ZHX2: variants seen among roughly 807,000 people sequenced by gnomAD.
The protein encoded by ZHX2 is zinc fingers and homeoboxes 2.
Under a neutral mutation model 21.9 loss-of-function variants are expected in ZHX2, and 6 were observed. The ratio of observed to expected loss-of-function variants is 0.27; its 90% CI spans 0.15 to 0.54. The LOEUF (loss-of-function observed/expected upper bound fraction) is 0.54. Ranked by LOEUF, ZHX2 falls within the 20% of genes least tolerant of loss-of-function variation. The pLI is 0.95. For missense variants in ZHX2, 908 were observed against 1,090.7 expected, an observed-to-expected ratio of 0.83 and a Z score of 2.36; for synonymous variants, 434 against 437.1, an observed-to-expected ratio of 0.99 and a Z score of 0.09.
intron 2 of ZHX2, among the ~76,000 whole-genome samples, chr8:122,945,232 C>T (rs1207697064): frequency 6.6e-6 from 1 of 152,054 alleles, no homozygotes; most frequent in Non-Finnish European, 1.5e-5. Flanking sequence ...CTGTGCACCC[C>T]CAGCTGTCCA....
chr8:122,784,579 C>G (rs1817357310), intron 1 of ZHX2, among the ~76,000 whole-genome samples: 1 of 152,208 alleles, frequency 6.6e-6, no homozygotes, highest in African/African-American at 2.4e-5. Flanking sequence ...CAGAATTTAC[C>G]TGGATTTTAT....
At chr8:122,902,175 G>A (rs1296921978) in intron 2 of ZHX2, among the ~76,000 whole-genome samples, 1 of 152,112 alleles carries the variant, frequency 6.6e-6, no homozygotes, top group Non-Finnish European at 1.5e-5. Flanking sequence ...TCCTCCTAGG[G>A]GACCATTCAA....
At position 122,953,075 on chromosome 8, in the gene ZHX2, A is replaced by G. The variant is rs750857053; in HGVS notation, c.1565A>G (p.Tyr522Cys). ...AIAASRHGRT[Y>C]HAYPDFAPQK... ...GCGGCCTCCCGACACGGTCGCACGT[A>G]TCATGCGTACCCAGACTTTGCCCCC... Residue 522 changes from tyrosine (Y) to cysteine (C), a missense_variant, in exon 3 of 4, where the codon TAT becomes TGT. Tyr to Cys is a radical substitution (Grantham distance 194). Transcript: ENST00000314393. The surrounding 1 kb of genome is among the most constrained non-coding windows in gnomAD (Gnocchi z 4.6). The G allele has an allele frequency of 3.1e-6, 5 of 1,614,048 alleles. 1 individual carries two copies. In the South Asian group the frequency reaches 5.5e-5, roughly 18 times the overall value.
chr8:122,831,088 G>A (rs1257448960), intron 1 of ZHX2, among the ~76,000 whole-genome samples: 23 of 152,226 alleles, frequency 1.5e-4, no homozygotes, highest in Admixed American at 1.5e-3. Flanking sequence ...GTCCAAAACA[G>A]GGAATTATAT....
At chr8:122,787,763 G>A (rs922100636) in intron 1 of ZHX2, among the ~76,000 whole-genome samples, 5 of 152,212 alleles carry the variant, frequency 3.3e-5, no homozygotes, top group Non-Finnish European at 7.3e-5. Context: ...TTATGAATGA[G>A]AGTTCCTGGG....
intron 1 of ZHX2, among the ~76,000 whole-genome samples, chr8:122,805,692 G>A (rs530436508): frequency 6.6e-6 from 1 of 152,298 alleles, no homozygotes; most frequent in Non-Finnish European, 1.5e-5. Context: ...GATTGCCAGA[G>A]CAGCCCTGTA....
Position 122,953,565 on chromosome 8 carries a change from G to A in ZHX2, c.2055G>A (p.Thr685=), listed in dbSNP as rs558892407. 1.5e-5 allele frequency: 25 copies of A among 1,614,208 alleles called. No individual in the cohort carries two copies. The highest frequency in any genetic ancestry group is 7.7e-5 in the South Asian group (7 of 91,084). ...WFKENRCLLK[T]GTVKWMEQYQ... The stretch of plus-strand genomic sequence containing the variant: ...AGGAGAACAGATGCTTGCTGAAAAC[G>A]GGAACCGTGAAGTGGATGGAGCAGT... Residue 685 remains threonine (T), a synonymous_variant, in exon 3 of 4, where the codon ACG becomes ACA. Coordinates refer to ENST00000314393, the MANE Select transcript of ZHX2 (RefSeq NM_014943.5). The surrounding 1 kb of genome is among the most constrained non-coding windows in gnomAD (Gnocchi z 4.6).
intron 1 of ZHX2, among the ~76,000 whole-genome samples, chr8:122,827,669 A>C (rs1170844712): frequency 6.6e-6 from 1 of 152,260 alleles, no homozygotes; most frequent in East Asian, 1.9e-4. Flanking sequence ...GGGGTGAAAA[A>C]GGAGAGAATC....
At chr8:122,880,415 G>A (rs1819685042) in intron 2 of ZHX2, among the ~76,000 whole-genome samples, 1 of 152,032 alleles carries the variant, frequency 6.6e-6, no homozygotes, top group Admixed American at 6.6e-5. Flanking sequence ...TCTTTCCTGT[G>A]AAAAGGCCCA....
At chr8:122,871,628 G>A (rs1819439772) in intron 2 of ZHX2, among the ~76,000 whole-genome samples, 1 of 145,452 alleles carries the variant, frequency 6.9e-6, no homozygotes, top group Non-Finnish European at 1.5e-5. Context: ...GTATACATAT[G>A]TAACAAACCT....
intron 2 of ZHX2, among the ~76,000 whole-genome samples, chr8:122,949,636 G>A (rs4870832): frequency 0.43 from 65,848 of 151,982 alleles, 14,607 homozygotes; most frequent in East Asian, 0.67. Context: ...TTGAGCCCAG[G>A]TGTTGGAGAC....
At chr8:122,893,684 A>G (rs539539015) in intron 2 of ZHX2, among the ~76,000 whole-genome samples, 1 of 151,882 alleles carries the variant, frequency 6.6e-6, no homozygotes, top group Non-Finnish European at 1.5e-5. Context: ...CTCTTTTTAT[A>G]TCTCTTTGTT....
chr8:122,844,277 C>A (rs574433271), intron 1 of ZHX2, among the ~76,000 whole-genome samples: 1 of 152,376 alleles, frequency 6.6e-6, no homozygotes, highest in East Asian at 1.9e-4. Context: ...CTTAGACAGG[C>A]TCCATCCACA....
rs1262358740 is a variant in ZHX2 at position 122,950,243 on chromosome 8, A to G, written c.-219-1049A>G. ...TTTCCAACAAAAGTCCAATTGCTGT[A>G]AAAAAAAGAATGAGTTTATGTCCTT... On this transcript the variant is annotated intron_variant, in intron 2 of 3. Coordinates refer to ENST00000314393, the MANE Select transcript of ZHX2 (RefSeq NM_014943.5). Among the ~76,000 whole-genome samples, 6 of 152,206 alleles carry G rather than the reference A, an allele frequency of 3.9e-5. No individual in the cohort carries two copies. The South Asian group carries it at 1.2e-3, about 32-fold the overall frequency.
At chr8:122,943,883 A>G (rs185995986) in intron 2 of ZHX2, among the ~76,000 whole-genome samples, 121 of 152,224 alleles carry the variant, frequency 7.9e-4, no homozygotes, top group African/African-American at 2.8e-3. Flanking sequence ...CTGCAGACCA[A>G]AATCCCAACT....
At chr8:122,901,669 C>T (rs1402013333) in intron 2 of ZHX2, among the ~76,000 whole-genome samples, 1 of 152,160 alleles carries the variant, frequency 6.6e-6, no homozygotes, top group Admixed American at 6.5e-5. Context: ...GATCTCTCAG[C>T]CTCAACATTA....
chr8:122,840,615 T>C (rs186084415), intron 1 of ZHX2, among the ~76,000 whole-genome samples: 1 of 152,344 alleles, frequency 6.6e-6, no homozygotes, highest in Non-Finnish European at 1.5e-5. Flanking sequence ...ACTTGTCCCA[T>C]GCCTCATGCT....
intron 1 of ZHX2, among the ~76,000 whole-genome samples, chr8:122,796,341 C>G (rs1284992384): frequency 6.6e-6 from 1 of 152,192 alleles, no homozygotes; most frequent in African/African-American, 2.4e-5. Context: ...CTAACACAGC[C>G]TCTCATCCTC....
At chr8:122,923,583 G>A (rs1449907420) in intron 2 of ZHX2, among the ~76,000 whole-genome samples, 1 of 152,164 alleles carries the variant, frequency 6.6e-6, no homozygotes, top group Non-Finnish European at 1.5e-5. Flanking sequence ...TGAAAAAAGT[G>A]TCACACAATT....
Sources: allele counts gnomAD v4.1 joint callset (sites outside exome capture counted in the v4.1 genomes callset), GRCh38; gene constraint gnomAD v4.1.1; non-coding constraint Gnocchi (gnomAD v3.1); transcripts MANE v1.5; gene names NCBI Gene and HGNC (gene_info 2026-07-23, HGNC 2026-07-21).